Variants in RAI1 observed in about 807,000 individuals in gnomAD.
RAI1 encodes the protein retinoic acid induced 1, also known as retinoic acid-induced protein 1.
Under a neutral mutation model 123.8 loss-of-function variants are expected in RAI1, and 9 were observed. The ratio of observed to expected loss-of-function variants is 0.07; its 90% CI spans 0.04 to 0.13. RAI1 has a LOEUF of 0.13. Among genes scored for constraint, RAI1 ranks in the 10% least tolerant of loss-of-function variants. RAI1 has a pLI of 1.00. For synonymous variants in RAI1, 1,231 were observed against 1,127.3 expected (o/e 1.09, Z -1.84); for missense variants, 2,256 against 2,545.8 (o/e 0.89, Z 2.45).
At chr17:17,710,957 G>A (rs1915547442) in intron 1 of RAI1, among the ~76,000 whole-genome samples, 1 of 152,194 alleles carries the variant, frequency 6.6e-6, no homozygotes, top group South Asian at 2.1e-4. Flanking sequence ...GGGGGCAGGT[G>A]GGAGGGAGGA....
rs937512991 is a variant in RAI1, at chr17:17,801,987, G to T, written c.5566-1769G>T. 8.8e-6 allele frequency: 4 copies of T among 456,264 alleles called. No individual in the cohort carries two copies. The highest frequency in any genetic ancestry group is 8.0e-5 in the African/African-American group (4 of 49,856). The allele number at this position is 456,264 out of a possible 1,614,324, so 28.3% of individuals were successfully genotyped here. On this transcript the variant is annotated intron_variant, in intron 3 of 5. Coordinates refer to ENST00000353383, the MANE Select transcript of RAI1 (RefSeq NM_030665.4). The surrounding 1 kb of genome is among the most constrained non-coding windows in gnomAD (Gnocchi z 4.1). ...TTTGTTTCACTGGCTTCGCACTTGG[G>T]CAGAGGCCGCCGCCCTCTCTGCTGC...
At chr17:17,808,928 G>C (rs2032650993) in intron 4 of RAI1, among the ~76,000 whole-genome samples, 1 of 152,198 alleles carries the variant, frequency 6.6e-6, no homozygotes, top group Non-Finnish European at 1.5e-5. Context: ...GGAAGTTAGT[G>C]AGCTCTTCCA....
chr17:17,725,405 G>A (rs1042142144), intron 2 of RAI1, among the ~76,000 whole-genome samples: 1 of 152,170 alleles, frequency 6.6e-6, no homozygotes, highest in Non-Finnish European at 1.5e-5. Context: ...CTCCCTCAGG[G>A]CCGGGAGGAG....
chr17:17,775,661 A>G (rs995882575), intron 2 of RAI1, among the ~76,000 whole-genome samples: 1 of 152,206 alleles, frequency 6.6e-6, no homozygotes. Context: ...TCATGAAGTA[A>G]AAGCGGATCA....
At chr17:17,766,942 T>G (rs1183410444) in intron 2 of RAI1, among the ~76,000 whole-genome samples, 2 of 93,422 alleles carry the variant, frequency 2.1e-5, no homozygotes, top group Non-Finnish European at 4.3e-5. Flanking sequence ...CAGGAGAGGG[T>G]GGGGTGGTGT....
intron 2 of RAI1, among the ~76,000 whole-genome samples, chr17:17,773,372 T>A (rs1292977766): frequency 1.3e-5 from 2 of 152,116 alleles, no homozygotes; most frequent in Non-Finnish European, 2.9e-5. Context: ...TTGCTTGGCG[T>A]CCCTGCAGCC....
At position 17,809,169 on chromosome 17, in the gene RAI1, G is replaced by A. The variant is rs772301296; in HGVS notation, c.5660-221G>A. The stretch of plus-strand genomic sequence containing the variant: ...AGGGGGAAAAGCTCTCCGCGGAGGA[G>A]GTGAGGTGAGTCAAGACTGCCAGGC... On this transcript the variant is annotated intron_variant, in intron 4 of 5. Transcript: ENST00000353383. The surrounding 1 kb of genome is among the most constrained non-coding windows in gnomAD (Gnocchi z 4.9). The A allele has an allele frequency of 1.6e-6, 1 of 643,042 alleles. No homozygotes were observed. Among genetic ancestry groups the A allele is most frequent in the Admixed American group, 2.4e-5 (1 of 41,976 alleles). 39.8% of individuals were successfully genotyped at this position (643,042 alleles called of 1,614,324 possible).
intron 2 of RAI1, among the ~76,000 whole-genome samples, chr17:17,791,461 C>G (rs1352916944): frequency 6.6e-6 from 1 of 152,124 alleles, no homozygotes; most frequent in Non-Finnish European, 1.5e-5. Context: ...CTCTCCCTCT[C>G]TGTGCCCCTC....
At chr17:17,709,635 C>G (rs1458358922) in intron 1 of RAI1, among the ~76,000 whole-genome samples, 1 of 152,238 alleles carries the variant, frequency 6.6e-6, no homozygotes, top group East Asian at 1.9e-4. Context: ...TGGCCTCATT[C>G]TGGTCCTGAG....
intron 2 of RAI1, among the ~76,000 whole-genome samples, chr17:17,735,502 C>T (rs781351525): frequency 2.6e-5 from 4 of 151,628 alleles, no homozygotes; most frequent in Non-Finnish European, 5.9e-5. Context: ...TACAGGCGTG[C>T]GCCACCACGC....
intron 3 of RAI1, among the ~76,000 whole-genome samples, chr17:17,802,467 C>T (rs772362046): frequency 6.6e-6 from 1 of 152,162 alleles, no homozygotes; most frequent in Non-Finnish European, 1.5e-5. Flanking sequence ...TGAAAGGGAC[C>T]CACAGAGGGC....
chr17:17,795,153 C>T lies in RAI1; in HGVS notation c.2205C>T (p.Ala735=). 6.2e-7 allele frequency: 1 copy of T among 1,614,044 alleles called. No individual in the cohort carries two copies. The highest frequency in any genetic ancestry group is 8.5e-7 in the Non-Finnish European group (1 of 1,180,034). The change falls in exon 3 of 6, where the codon GCC becomes GCT. Residue 735 remains alanine, a synonymous_variant. Transcript: ENST00000353383. This position sits in a 1 kb window ranked among gnomAD's most constrained non-coding sequence, Gnocchi z 5.9. The part of the protein sequence containing the change: ...AFDCFPDTTA[A]SSADSANPFA... ...ACTGTTTCCCGGACACAACCGCTGC[C>T]AGCTCAGCGGACAGCGCCAACCCCT...
intron 1 of RAI1, among the ~76,000 whole-genome samples, chr17:17,706,234 G>A (rs1206149972): frequency 6.6e-6 from 1 of 152,012 alleles, no homozygotes; most frequent in Admixed American, 6.6e-5. Context: ...ATGGCACTTG[G>A]GGGAGTGGGT....
chr17:17,704,630 C>T (rs114248414), intron 1 of RAI1, among the ~76,000 whole-genome samples: 222 of 152,260 alleles, frequency 1.5e-3, no homozygotes, highest in African/African-American at 5.2e-3. Flanking sequence ...TCATCTGGAA[C>T]GCAGGATATG....
At chr17:17,688,488 GATAA>G (rs1473838589) in intron 1 of RAI1, among the ~76,000 whole-genome samples, 2 of 150,202 alleles carry the variant, frequency 1.3e-5, no homozygotes, top group South Asian at 2.1e-4. Flanking sequence ...CAGTCTCAAT[GATAA>G]ATAAATAAAC....
intron 2 of RAI1, among the ~76,000 whole-genome samples, chr17:17,745,936 T>TG (rs2029895524): frequency 6.6e-6 from 1 of 151,758 alleles, no homozygotes; most frequent in African/African-American, 2.4e-5. Flanking sequence ...TGGGCATGAG[T>TG]GGGGAGCCGA....
chr17:17,687,196 G>C (rs1914670836), intron 1 of RAI1, among the ~76,000 whole-genome samples: 1 of 152,164 alleles, frequency 6.6e-6, no homozygotes, highest in African/African-American at 2.4e-5. Context: ...GGGGAGAGAA[G>C]GTGCCCAGAA....
intron 2 of RAI1, among the ~76,000 whole-genome samples, chr17:17,783,485 G>A (rs1208057570): frequency 6.6e-6 from 1 of 151,906 alleles, no homozygotes; most frequent in African/African-American, 2.4e-5. Flanking sequence ...GATTTTCTCC[G>A]GCAGCAGCAG....
chr17:17,797,623 C>A lies in RAI1; in HGVS notation c.4675C>A (p.Arg1559=). Residue 1559 remains arginine, a synonymous_variant, in exon 3 of 6, where the codon CGA becomes AGA. Transcript: ENST00000353383. ...TTCACCCTGTAAGGGGCGTGCCAAG[C>A]GACGACGACAGCAGCAGGTGCTGCC... ...TSSPCKGRAK[R]RRQQQVLPLD... 1 of 1,613,866 alleles carries A rather than the reference C, an allele frequency of 6.2e-7. No individual in the cohort carries two copies. Among genetic ancestry groups the A allele is most frequent in the South Asian group, 1.1e-5 (1 of 91,090 alleles).
Sources: gnomAD v4.1 joint callset for allele counts (sites outside exome capture counted in the v4.1 genomes callset) on GRCh38, gnomAD v4.1.1 for gene constraint, Gnocchi (gnomAD v3.1) non-coding constraint, MANE v1.5 for transcripts, NCBI Gene and HGNC (gene_info 2026-07-23, HGNC 2026-07-21) for gene names.